The following TBC1D21 variants were observed in gnomAD, a reference collection of about 807,000 sequenced individuals.
TBC1D21 encodes the protein male germ cell Rab GTPase-activating protein.
In TBC1D21, 38 loss-of-function variants were observed where a neutral mutation model predicts 46.0. That is an observed-to-expected ratio of 0.83 (90% CI 0.64 to 1.08). TBC1D21 has a LOEUF of 1.08. Ranked by LOEUF, TBC1D21 falls within the 50% of genes least tolerant of loss-of-function variation. The probability of loss-of-function intolerance (pLI) is 0.00; values close to 1 mark genes in which losing one functional copy is unlikely to be tolerated. For missense variants in TBC1D21, 415 were observed against 417.9 expected (o/e 0.99, Z 0.06); for synonymous variants, 151 against 157.2 (o/e 0.96, Z 0.29).
At chr15:73,881,822 C>A in intron 3 of TBC1D21, 75 bp downstream of exon 3, 3 of 1,294,662 alleles carry the variant, frequency 2.3e-6, no homozygotes, top group Non-Finnish European at 3.3e-6. Context: ...AGCCTGCAGA[C>A]TATCTTCTGC....
chr15:73,875,366 G>A (rs1016411338), intron 1 of TBC1D21, among the ~76,000 whole-genome samples: 3 of 152,014 alleles, frequency 2.0e-5, no homozygotes, highest in Non-Finnish European at 2.9e-5. Flanking sequence ...CAAAGTCAAT[G>A]ACCTTCCCTG....
At chr15:73,906,299 T>C in the TBC1D21 span, among the ~76,000 whole-genome samples, 2 of 152,178 alleles carry the variant, frequency 1.3e-5, no homozygotes, top group Non-Finnish European at 1.5e-5. Flanking sequence ...GGGAGACGTA[T>C]GTGGGAGGAG....
In TBC1D21 at chr15:73,873,682, A is replaced by C; in HGVS notation, c.-28A>C. 1 of 1,590,410 alleles carries C rather than the reference A, an allele frequency of 6.3e-7. No homozygotes were observed. Among genetic ancestry groups the C allele is most frequent in the Non-Finnish European group, 8.6e-7 (1 of 1,165,728 alleles). ...CTAGGGCTCCAAGTGAGTTCTGATC[A>C]GAGGCTGTTCGGAAGACAGCAGGGG... On this transcript the variant is annotated 5_prime_UTR_variant, in exon 1 of 11. Coordinates refer to ENST00000300504, the MANE Select transcript of TBC1D21 (RefSeq NM_153356.3).
At chr15:73,892,876 G>A (rs995886593), downstream of TBC1D21, among the ~76,000 whole-genome samples, 2 of 152,240 alleles carry the variant, frequency 1.3e-5, no homozygotes, top group Non-Finnish European at 2.9e-5. Flanking sequence ...TGTCAGTGAT[G>A]ATGGCGGTGA....
chr15:73,886,012 A>G, intron 6 of TBC1D21, 66 bp from the exon 7 acceptor site: 1 of 1,379,156 alleles, frequency 7.3e-7, no homozygotes, highest in South Asian at 1.2e-5. Flanking sequence ...TGGGGGAAGC[A>G]GAGTTGACTC....
chr15:73,901,852 C>G, the TBC1D21 span, among the ~76,000 whole-genome samples: 1 of 152,060 alleles, frequency 6.6e-6, no homozygotes, highest in Non-Finnish European at 1.5e-5. Context: ...CACTCTGTCA[C>G]CCAGTCTGGA....
At chr15:73,902,163 G>C in the TBC1D21 span, among the ~76,000 whole-genome samples, 1 of 152,186 alleles carries the variant, frequency 6.6e-6, no homozygotes, top group Non-Finnish European at 1.5e-5. Context: ...GCCATTCACA[G>C]GTTCTGGAAA....
At chr15:73,904,166 G>A in the TBC1D21 span, among the ~76,000 whole-genome samples, 1 of 152,120 alleles carries the variant, frequency 6.6e-6, no homozygotes, top group African/African-American at 2.4e-5. Context: ...TGAGTCCTTG[G>A]GCTTCCTGCC....
intron 1 of TBC1D21, 32 bp from the exon 2 acceptor site, chr15:73,881,367 C>T: frequency 6.5e-7 from 1 of 1,542,034 alleles, no homozygotes; most frequent in Non-Finnish European, 9.0e-7. Flanking sequence ...AGCCTTCTAA[C>T]ATAAGGCAGA....
chr15:73,874,496 A>G (rs2068023141), intron 1 of TBC1D21, among the ~76,000 whole-genome samples: 2 of 152,248 alleles, frequency 1.3e-5, no homozygotes, highest in African/African-American at 2.4e-5. Flanking sequence ...TCACAACTCT[A>G]TGAAGTGAAT....
At chr15:73,893,602 T>G (rs182358894), downstream of TBC1D21, among the ~76,000 whole-genome samples, 15 of 152,310 alleles carry the variant, frequency 9.8e-5, no homozygotes, top group Non-Finnish European at 1.6e-4. Context: ...CTCTACCCAC[T>G]AACAACTGCA....
chr15:73,884,014 A>T (rs1220234593), intron 3 of TBC1D21, 137 bp from the exon 4 acceptor site: 1 of 732,776 alleles, frequency 1.4e-6, no homozygotes, highest in African/African-American at 1.7e-5. Context: ...GATGAGGGAC[A>T]GCATCACAGG....
chr15:73,884,797 AATCTATGACAAAG>A lies in TBC1D21; in HGVS notation c.388_400del (p.Tyr130ProfsTer12), dbSNP rs775342138. On this transcript the variant is annotated frameshift_variant, in exon 5 of 11. Transcript: ENST00000300504. LOFTEE classifies it high-confidence loss of function. ...CCAACCTAGCACGTGACATTCAGAAAATCTATGACAAAGATCCCCTGGGCAACGTCCTCATCGA... is the reference window on the plus strand; with the variant it reads ...CCAACCTAGCACGTGACATTCAGAAAATCCCCTGGGCAACGTCCTCATCGA... The A allele has an allele frequency of 1.2e-6, 2 of 1,613,862 alleles. No individual in the cohort carries two copies. Among genetic ancestry groups the A allele is most frequent in the Non-Finnish European group, 1.7e-6 (2 of 1,179,942 alleles).
intron 1 of TBC1D21, among the ~76,000 whole-genome samples, chr15:73,880,639 C>T (rs1595820288): frequency 6.6e-6 from 1 of 152,116 alleles, no homozygotes; most frequent in Middle Eastern, 3.4e-3. Flanking sequence ...GGTGTGGTGG[C>T]GCGTGCCTAT....
chr15:73,880,555 G>A (rs1476661629), intron 1 of TBC1D21, among the ~76,000 whole-genome samples: 2 of 152,196 alleles, frequency 1.3e-5, no homozygotes, highest in Admixed American at 1.3e-4. Context: ...TGGATCACCT[G>A]AGGCCAAGAG....
chr15:73,875,957 C>T (rs745324520), intron 1 of TBC1D21, among the ~76,000 whole-genome samples: 2 of 152,220 alleles, frequency 1.3e-5, no homozygotes, highest in Non-Finnish European at 2.9e-5. Flanking sequence ...TACACATTCT[C>T]TGATTTCTAG....
At chr15:73,886,460 C>T in intron 7 of TBC1D21, 52 bp from the exon 8 acceptor site, 2 of 1,531,942 alleles carry the variant, frequency 1.3e-6, no homozygotes, top group Non-Finnish European at 1.8e-6. Flanking sequence ...CATGTGTTTG[C>T]TGCATCATAT....
chr15:73,896,697 G>C, the TBC1D21 span, among the ~76,000 whole-genome samples: 8 of 152,320 alleles, frequency 5.3e-5, no homozygotes, highest in East Asian at 1.3e-3. Flanking sequence ...AGAAGGCTCA[G>C]AGGCAACACC....
intron 6 of TBC1D21, among the ~76,000 whole-genome samples, chr15:73,885,816 AC>A (rs2068234697): frequency 6.1e-5 from 2 of 32,526 alleles, no homozygotes; most frequent in Non-Finnish European, 1.5e-4. Context: ...ACACACACAT[AC>A]ACACACACAC....
Sources: allele counts gnomAD v4.1 joint callset (sites outside exome capture counted in the v4.1 genomes callset), GRCh38; gene constraint gnomAD v4.1.1; transcripts MANE v1.5; gene names NCBI Gene and HGNC (gene_info 2026-07-23, HGNC 2026-07-21).